The following DNAH9 variants were observed in gnomAD, a reference collection of about 807,000 sequenced individuals.
DNAH9 encodes the protein dynein axonemal heavy chain 9.
DNAH9 carries 345 observed loss-of-function variants against 471.6 expected under a neutral mutation model. That is an observed-to-expected ratio of 0.73 (90% CI 0.67 to 0.80). The LOEUF (loss-of-function observed/expected upper bound fraction) is 0.80, where lower values mean the gene tolerates loss of function less well. Among genes scored for constraint, DNAH9 ranks in the 30% least tolerant of loss-of-function variants. The pLI is 0.00. For synonymous variants in DNAH9, 2,093 were observed against 2,123.6 expected, an observed-to-expected ratio of 0.99 and a Z score of 0.40; for missense variants, 5,407 against 5,609.2, an observed-to-expected ratio of 0.96 and a Z score of 1.15.
intron 27 of DNAH9, among the ~76,000 whole-genome samples, chr17:11,725,182 C>T (rs958729604): frequency 1.3e-5 from 2 of 152,346 alleles, no homozygotes; most frequent in African/African-American, 2.4e-5. Context: ...GGCCTGGTTC[C>T]TTAACAGACC....
chr17:11,640,174 G>A, intron 9 of DNAH9, 96 bp from the exon 10 acceptor site: 1 of 708,952 alleles, frequency 1.4e-6, no homozygotes, highest in Non-Finnish European at 2.4e-6. Context: ...TGGAGATAAT[G>A]AGGCAAAAGT....
At chr17:11,680,992 C>T in intron 19 of DNAH9, 103 bp downstream of exon 19, 2 of 1,104,500 alleles carry the variant, frequency 1.8e-6, no homozygotes, top group East Asian at 5.2e-5. Context: ...CAGCTGCAGA[C>T]CAGTTAATAA....
intron 59 of DNAH9, among the ~76,000 whole-genome samples, chr17:11,897,781 TAAATG>T (rs1187142562): frequency 6.6e-6 from 1 of 152,184 alleles, no homozygotes; most frequent in Non-Finnish European, 1.5e-5. Flanking sequence ...AGACACGGAG[TAAATG>T]CTAAACCAAT....
chr17:11,619,468 ATGATT>A lies in DNAH9; in HGVS notation c.1117-79_1117-75del, dbSNP rs2072809638. 23 of 780,060 alleles carry A rather than the reference ATGATT, an allele frequency of 2.9e-5. No individual in the cohort carries two copies. The Admixed American group carries it at 4.5e-4, about 15-fold the overall frequency. 48.3% of individuals were successfully genotyped at this position (780,060 alleles called of 1,614,324 possible). ...CCTCGTGAAAAATATTACTGGGGCA[ATGATT>A]CAGTTCAGAGTTGGTGTTGCAAAGT... On this transcript the variant is annotated intron_variant, in intron 5 of 68. Transcript: ENST00000262442.
In DNAH9 at chr17:11,783,720, G is replaced by A. The variant is rs749119060; in HGVS notation, c.7793G>A (p.Gly2598Asp). The A allele has an allele frequency of 3.7e-6, 6 of 1,613,970 alleles. No homozygotes were observed. The Admixed American group carries it at 1.0e-4, about 27-fold the overall frequency. Reference sequence around the variant, plus strand: ...GTTTCCTGTATGAACCCCACGGCAGGCAGCTTCACCATCAACCCCCGGCTT... The same window carrying A: ...GTTTCCTGTATGAACCCCACGGCAGACAGCTTCACCATCAACCCCCGGCTT... Reference protein sequence around the residue: ...QYVSCMNPTAGSFTINPRLQR... With the variant: ...QYVSCMNPTADSFTINPRLQR... Residue 2598 changes from glycine (G) to aspartate (D), a missense_variant, in exon 40 of 69, where the codon GGC becomes GAC. Gly to Asp is a moderately conservative substitution (Grantham distance 94). This residue lies in a region of DNAH9 where 4,636 missense variants were observed against 4,900.3 expected (regional missense o/e 0.95). Transcript: ENST00000262442.
At chr17:11,814,727 C>T (rs1327213784) in intron 45 of DNAH9, among the ~76,000 whole-genome samples, 2 of 152,148 alleles carry the variant, frequency 1.3e-5, no homozygotes, top group African/African-American at 2.4e-5. Flanking sequence ...CAAATCTCCT[C>T]TTAGGATCTA....
At chr17:11,843,863 GTA>G (rs61067153) in intron 49 of DNAH9, among the ~76,000 whole-genome samples, 1,169 of 46,496 alleles carry the variant, frequency 0.025, 22 homozygotes, top group African/African-American at 0.069. Flanking sequence ...GTGTGTGTGT[GTA>G]TATATATATA....
intron 67 of DNAH9, among the ~76,000 whole-genome samples, chr17:11,955,001 C>G (rs1211678311): frequency 6.6e-6 from 1 of 152,010 alleles, no homozygotes; most frequent in African/African-American, 2.4e-5. Flanking sequence ...AACCAAAATA[C>G]ATGCCAACAA....
intron 17 of DNAH9, among the ~76,000 whole-genome samples, chr17:11,677,214 TATC>T (rs2074062761): frequency 1.3e-5 from 2 of 152,042 alleles, no homozygotes; most frequent in South Asian, 2.1e-4. Context: ...CTACTTAATC[TATC>T]ATCACTTACT....
Position 11,704,272 on chromosome 17 carries a change from G to A in DNAH9, c.5221G>A (p.Gly1741Ser), listed in dbSNP as rs769495520. The change falls in exon 25 of 69, where the codon GGC becomes AGC. Residue 1741 changes from glycine to serine, a missense_variant. Physicochemically the swap from Gly to Ser is moderately conservative, Grantham distance 56 (BLOSUM62 0). Transcript: ENST00000262442. Reference sequence around the variant, plus strand: ...CATGGCATTTGCCAGGCTGGAGGAAGGCTATGAGAGTGCCATGAAGGACTA... The same window carrying A: ...CATGGCATTTGCCAGGCTGGAGGAAAGCTATGAGAGTGCCATGAAGGACTA... ...VGMAFARLEE[G>S]YESAMKDYYK... 9 of 1,614,062 alleles carry A rather than the reference G, an allele frequency of 5.6e-6. No homozygotes were observed. The highest frequency in any genetic ancestry group is 7.6e-6 in the Non-Finnish European group (9 of 1,180,034).
chr17:11,885,613 G>A (rs533804771), intron 56 of DNAH9, among the ~76,000 whole-genome samples: 1 of 152,244 alleles, frequency 6.6e-6, no homozygotes, highest in East Asian at 1.9e-4. Flanking sequence ...TTTAGAAGTT[G>A]TAGCTAGTTC....
chr17:11,829,472 A>G (rs938230099), intron 48 of DNAH9, among the ~76,000 whole-genome samples: 2 of 152,106 alleles, frequency 1.3e-5, no homozygotes, highest in Non-Finnish European at 2.9e-5. Flanking sequence ...TTATTTGCTT[A>G]TTTATTTATT....
At position 11,892,712 on chromosome 17, in the gene DNAH9, A is replaced by G. The variant is rs1033174776; in HGVS notation, c.11283+765A>G. 6.6e-6 allele frequency among the ~76,000 whole-genome samples: 1 copy of G among 151,868 alleles called. No individual in the cohort carries two copies. The highest frequency in any genetic ancestry group is 2.4e-5 in the African/African-American group (1 of 41,334). On this transcript the variant is annotated intron_variant, in intron 58 of 68. Transcript: ENST00000262442. This position sits in a 1 kb window ranked among gnomAD's most constrained non-coding sequence, Gnocchi z 4.3. ...ATTACAGGTGTGCGCCACCAGGCCC[A>G]GCGAATTTTTTTTGTATTTTAAGTA...
intron 48 of DNAH9, among the ~76,000 whole-genome samples, chr17:11,833,131 C>A (rs1369874356): frequency 6.6e-6 from 1 of 152,196 alleles, no homozygotes; most frequent in Admixed American, 6.5e-5. Context: ...AGAAAATCAT[C>A]CTTCTCTCCC....
Position 11,917,184 on chromosome 17 carries a change from G to C in DNAH9, c.11750-6630G>C, listed in dbSNP as rs150726181. Among the ~76,000 whole-genome samples, 683 of 152,036 alleles carry C rather than the reference G, an allele frequency of 4.5e-3. 7 individuals are homozygous for C. Among genetic ancestry groups the C allele is most frequent in the African/African-American group, 0.016 (656 of 41,490 alleles). On this transcript the variant is annotated intron_variant, in intron 61 of 68. Transcript: ENST00000262442. Reference sequence around the variant, plus strand: ...TTTTGTTTTTTTGAGACGGAGCTTTGCTCTTGTCACCCAGGCTGGAGTGCA... The same window carrying C: ...TTTTGTTTTTTTGAGACGGAGCTTTCCTCTTGTCACCCAGGCTGGAGTGCA...
At chr17:11,934,920 C>T (rs947997281) in intron 65 of DNAH9, among the ~76,000 whole-genome samples, 1 of 152,162 alleles carries the variant, frequency 6.6e-6, no homozygotes, top group African/African-American at 2.4e-5. Flanking sequence ...AACACAGGCA[C>T]ATACCGCATA....
chr17:11,821,785 G>A lies in DNAH9; in HGVS notation c.8708-135G>A. On this transcript the variant is annotated intron_variant, in intron 45 of 68. Transcript: ENST00000262442. ...TTGGAGTAGACATGGTGTCTGTCCA[G>A]CTTCACCAGCAAGAGAGTTGGTACA... 3.2e-6 allele frequency: 3 copies of A among 932,818 alleles called. No individual in the cohort carries two copies. In the South Asian group the frequency reaches 5.2e-5, roughly 16 times the overall value. 57.8% of individuals were successfully genotyped at this position (932,818 alleles called of 1,614,324 possible).
In DNAH9 at chr17:11,834,871, G is replaced by T; in HGVS notation, c.9480G>T (p.Ala3160=). Residue 3160 remains alanine (A), a synonymous_variant, in exon 49 of 69, where the codon GCG becomes GCT. Transcript: ENST00000262442. ...LAKAEPALTA[A]QAALNTLNKT... ...AGGCTGAGCCAGCACTCACAGCAGC[G>T]CAGGCAGCTCTCAACACCCTGAACA... 6.2e-7 allele frequency: 1 copy of T among 1,613,384 alleles called. No homozygotes were observed. Among genetic ancestry groups the T allele is most frequent in the Non-Finnish European group, 8.5e-7 (1 of 1,179,848 alleles).
chr17:11,610,659 T>C (rs1367033208), intron 3 of DNAH9, 105 bp downstream of exon 3: 2 of 1,091,978 alleles, frequency 1.8e-6, no homozygotes, highest in Admixed American at 5.2e-5. Context: ...TTCTTCCCTA[T>C]AGGTATTTCA....
Sources: allele counts gnomAD v4.1 joint callset (sites outside exome capture counted in the v4.1 genomes callset), GRCh38; gene constraint gnomAD v4.1.1; regional missense constraint gnomAD v4.1.1; non-coding constraint Gnocchi (gnomAD v3.1); transcripts MANE v1.5; gene names NCBI Gene and HGNC (gene_info 2026-07-23, HGNC 2026-07-21).